Variants in FHIT observed in about 807,000 individuals in gnomAD.
The protein encoded by FHIT is bis(5'-adenosyl)-triphosphatase.
FHIT carries 19 observed loss-of-function variants against 17.9 expected under a neutral mutation model. The ratio of observed to expected loss-of-function variants is 1.06; its 90% CI spans 0.74 to 1.56. The LOEUF is 1.56. Among genes scored for constraint, FHIT ranks in the 40% most tolerant of loss-of-function variants. The probability of loss-of-function intolerance (pLI) is 0.00; values close to 1 mark genes in which losing one functional copy is unlikely to be tolerated. For synonymous variants in FHIT, 81 were observed against 69.7 expected (o/e 1.16, Z -0.81); for missense variants, 248 against 189.2 (o/e 1.31, Z -1.82).
intron 8 of FHIT, among the ~76,000 whole-genome samples, chr3:59,786,473 C>T (rs1699304210): frequency 6.6e-6 from 1 of 152,162 alleles, no homozygotes; most frequent in South Asian, 2.1e-4. Context: ...AAATCTGAAA[C>T]TTAGCCGGAA....
chr3:60,698,769 C>A (rs571173977), intron 4 of FHIT, among the ~76,000 whole-genome samples: 227 of 152,014 alleles, frequency 1.5e-3, no homozygotes, highest in Admixed American at 1.5e-3. Flanking sequence ...CAGTTTGGTC[C>A]TTTGTGTGCT....
intron 5 of FHIT, among the ~76,000 whole-genome samples, chr3:60,119,670 G>A (rs1705157196): frequency 6.6e-6 from 1 of 152,128 alleles, no homozygotes; most frequent in Non-Finnish European, 1.5e-5. Flanking sequence ...GAAATAAACT[G>A]TTGGCATATA....
intron 3 of FHIT, among the ~76,000 whole-genome samples, chr3:61,003,462 C>T (rs918091122): frequency 1.3e-5 from 2 of 152,196 alleles, no homozygotes; most frequent in East Asian, 3.9e-4. Flanking sequence ...GTGATGAAAG[C>T]TTTCATTTAA....
At chr3:60,621,367 T>G (rs1576986970) in intron 4 of FHIT, among the ~76,000 whole-genome samples, 1 of 151,906 alleles carries the variant, frequency 6.6e-6, no homozygotes, top group East Asian at 1.9e-4. Flanking sequence ...GCCAGGCTGG[T>G]CTCGAACTCC....
intron 5 of FHIT, among the ~76,000 whole-genome samples, chr3:60,198,416 C>T (rs1183500308): frequency 6.6e-6 from 1 of 152,194 alleles, no homozygotes; most frequent in Non-Finnish European, 1.5e-5. Flanking sequence ...AAAGTAATCA[C>T]ATGTGAATTA....
At chr3:60,126,321 T>C (rs1463258296) in intron 5 of FHIT, among the ~76,000 whole-genome samples, 1 of 152,176 alleles carries the variant, frequency 6.6e-6, no homozygotes. Flanking sequence ...TGCCTCTCTA[T>C]ATCGTCCCTT....
intron 5 of FHIT, among the ~76,000 whole-genome samples, chr3:60,275,398 A>G (rs1707080448): frequency 6.6e-6 from 1 of 152,216 alleles, no homozygotes; most frequent in Non-Finnish European, 1.5e-5. Context: ...GCCTTAAAGT[A>G]ATGCAGAACA....
intron 7 of FHIT, among the ~76,000 whole-genome samples, chr3:59,974,761 C>T (rs553811376): frequency 6.6e-6 from 1 of 152,098 alleles, no homozygotes; most frequent in African/African-American, 2.4e-5. Flanking sequence ...TGTGTGAATT[C>T]CAGTTTCATG....
At chr3:60,461,447 A>T (rs959335995) in intron 5 of FHIT, among the ~76,000 whole-genome samples, 1 of 93,468 alleles carries the variant, frequency 1.1e-5, no homozygotes, top group African/African-American at 6.9e-5. Flanking sequence ...AACTAATAAA[A>T]CAATATGTCA....
intron 4 of FHIT, among the ~76,000 whole-genome samples, chr3:60,712,350 A>G (rs1207154207): frequency 6.6e-6 from 1 of 152,216 alleles, no homozygotes; most frequent in African/African-American, 2.4e-5. Flanking sequence ...CATCGAAACT[A>G]GGAAGAAATT....
intron 4 of FHIT, among the ~76,000 whole-genome samples, chr3:60,574,273 A>G (rs1470320161): frequency 6.6e-6 from 1 of 151,938 alleles, no homozygotes; most frequent in Non-Finnish European, 1.5e-5. Flanking sequence ...TTTCTTGAAG[A>G]ACAAGAAAAG....
At chr3:59,980,764 A>T (rs994633719) in intron 7 of FHIT, among the ~76,000 whole-genome samples, 3 of 152,156 alleles carry the variant, frequency 2.0e-5, no homozygotes, top group Non-Finnish European at 2.9e-5. Flanking sequence ...CCAGACAACA[A>T]AGCTGCCAGT....
At chr3:61,031,186 G>C (rs936293204) in intron 3 of FHIT, among the ~76,000 whole-genome samples, 3 of 152,140 alleles carry the variant, frequency 2.0e-5, no homozygotes, top group African/African-American at 7.2e-5. Flanking sequence ...ATCTGCAGTG[G>C]CAAAATGACT....
intron 5 of FHIT, 43 bp from the exon 6 acceptor site, chr3:60,014,195 A>AG: frequency 6.2e-7 from 1 of 1,608,368 alleles, no homozygotes; most frequent in South Asian, 1.1e-5. Context: ...GGCTTTGGGT[A>AG]GTGTTCTTAC....
chr3:59,978,096 G>T (rs1559515077), intron 7 of FHIT, among the ~76,000 whole-genome samples: 2 of 152,170 alleles, frequency 1.3e-5, no homozygotes, highest in East Asian at 1.9e-4. Context: ...TAAACCTGTG[G>T]GTAAGTATTA....
chr3:60,343,010 G>C (rs1292824242), intron 5 of FHIT, among the ~76,000 whole-genome samples: 1 of 152,094 alleles, frequency 6.6e-6, no homozygotes, highest in African/African-American at 2.4e-5. Flanking sequence ...TAAAAAATTA[G>C]AGTCTATAGC....
chr3:60,608,130 G>T (rs187169544), intron 4 of FHIT, among the ~76,000 whole-genome samples: 1 of 152,040 alleles, frequency 6.6e-6, no homozygotes, highest in Non-Finnish European at 1.5e-5. Flanking sequence ...ATCTTCCCTC[G>T]TCTGCTCACG....
At chr3:60,406,854 G>A (rs958013629) in intron 5 of FHIT, among the ~76,000 whole-genome samples, 1 of 152,050 alleles carries the variant, frequency 6.6e-6, no homozygotes, top group Non-Finnish European at 1.5e-5. Context: ...AGGCCAATTA[G>A]ATATTTCTCC....
At chr3:60,123,268 G>A (rs569950744) in intron 5 of FHIT, among the ~76,000 whole-genome samples, 3 of 152,214 alleles carry the variant, frequency 2.0e-5, no homozygotes, top group South Asian at 4.1e-4. Context: ...TGAGATAAGC[G>A]ATCATTTGTT....
Sources: allele counts gnomAD v4.1 joint callset (sites outside exome capture counted in the v4.1 genomes callset), GRCh38; gene constraint gnomAD v4.1.1; transcripts MANE v1.5; gene names NCBI Gene and HGNC (gene_info 2026-07-23, HGNC 2026-07-21).